Variants in CDH18 observed in about 807,000 individuals in gnomAD.
CDH18 encodes cadherin 18, also known as cadherin-18.
A neutral mutation model predicts 67.9 loss-of-function variants in CDH18; 31 were observed. That is an observed-to-expected ratio of 0.46 (90% CI 0.34 to 0.62). The LOEUF (loss-of-function observed/expected upper bound fraction) is 0.62. Among genes scored for constraint, CDH18 ranks in the 20% least tolerant of loss-of-function variants. The pLI, the probability that CDH18 is intolerant of heterozygous loss-of-function variation, is 0.01. For synonymous variants in CDH18, 362 were observed against 347.2 expected (o/e 1.04, Z -0.48); for missense variants, 890 against 975.5 (o/e 0.91, Z 1.17).
At chr5:19,514,222 C>G (rs1394316617) in intron 10 of CDH18, among the ~76,000 whole-genome samples, 3 of 152,176 alleles carry the variant, frequency 2.0e-5, no homozygotes, top group Admixed American at 6.5e-5. Flanking sequence ...ATATGTGCCA[C>G]ATTTTCTTAA....
intron 2 of CDH18, among the ~76,000 whole-genome samples, chr5:19,888,657 G>A (rs557106957): frequency 6.6e-6 from 1 of 151,978 alleles, no homozygotes; most frequent in African/African-American, 2.4e-5. Context: ...TTGATCTGTA[G>A]AATCTGTGCA....
In CDH18 at chr5:20,131,875, T is replaced by G. The variant is rs530167484; in HGVS notation, c.-518+123569A>C. Among the ~76,000 whole-genome samples the G allele has an allele frequency of 9.7e-4, 146 of 150,578 alleles. 1 individual carries two copies. The highest frequency in any genetic ancestry group is 3.0e-3 in the African/African-American group (122 of 41,006). ...TCACATATAGCTTTACAATAAAGTGTTTTTTTTTGTTGTTGTTGTTGTTGT... is the reference window on the plus strand; with the variant it reads ...TCACATATAGCTTTACAATAAAGTGGTTTTTTTTGTTGTTGTTGTTGTTGT... On this transcript the variant is annotated intron_variant, in intron 2 of 14. Coordinates refer to the CDH18 transcript ENST00000507958.
At chr5:19,523,210 A>G (rs1253766530) in intron 9 of CDH18, among the ~76,000 whole-genome samples, 1 of 152,184 alleles carries the variant, frequency 6.6e-6, no homozygotes, top group Non-Finnish European at 1.5e-5. Context: ...ATTATTAAAG[A>G]CAAGTATATA....
intron 3 of CDH18, among the ~76,000 whole-genome samples, chr5:19,794,307 G>A (rs1331915162): frequency 6.6e-6 from 1 of 152,096 alleles, no homozygotes; most frequent in Non-Finnish European, 1.5e-5. Flanking sequence ...AATTCAACAT[G>A]GGTGGGATCC....
rs774273776 is a variant in CDH18, at chr5:19,483,422, C to A, written c.1761G>T (p.Arg587Ser). The A allele has an allele frequency of 6.2e-7, 1 of 1,614,024 alleles. No homozygotes were observed. Among genetic ancestry groups the A allele is most frequent in the Non-Finnish European group, 8.5e-7 (1 of 1,179,978 alleles). Residue 587 changes from arginine to serine, a missense_variant, in exon 12 of 13, where the codon AGG (arginine) becomes AGT (serine). Arg to Ser is a moderately radical substitution (Grantham distance 110, BLOSUM62 -1). Transcript: ENST00000382275. ...SLSSSSTLTI[R>S]VCACERDGRV... ...GCCCATCTCTCTCGCATGCACAAAC[C>A]CTGATGGTGAGGGTGCTGCTGCTGC... is the stretch of plus-strand genomic sequence containing the variant.
In CDH18 at chr5:19,520,718, T is replaced by C. The variant is rs111945633; in HGVS notation, c.1451A>G (p.Asn484Ser). The change falls in exon 10 of 13, where the codon AAT becomes AGT. Residue 484 changes from asparagine (N) to serine (S), a missense_variant. Coordinates refer to ENST00000382275, the MANE Select transcript of CDH18 (RefSeq NM_004934.5). Reference sequence around the variant, plus strand: ...ATATTCCCTGGCAAGTTCGGGTGGATTGTCATTGACATCCAGAACTCTAAT... The same window carrying C: ...ATATTCCCTGGCAAGTTCGGGTGGACTGTCATTGACATCCAGAACTCTAAT... ...VGIRVLDVND[N>S]PPELAREYDI... The C allele has an allele frequency of 6.2e-7, 1 of 1,613,456 alleles. No individual in the cohort carries two copies. The highest frequency in any genetic ancestry group is 8.5e-7 in the Non-Finnish European group (1 of 1,179,534).
intron 4 of CDH18, among the ~76,000 whole-genome samples, chr5:19,744,509 C>CAT (rs1444655883): frequency 6.7e-6 from 1 of 150,032 alleles, no homozygotes. Flanking sequence ...AGTGTACACA[C>CAT]ACACACACAC....
intron 2 of CDH18, among the ~76,000 whole-genome samples, chr5:19,901,014 A>G (rs1000912658): frequency 6.6e-6 from 1 of 152,148 alleles, no homozygotes; most frequent in Non-Finnish European, 1.5e-5. Flanking sequence ...TGCGAAATCT[A>G]TTTAACTTCT....
At chr5:19,931,060 A>C (rs368356082) in intron 2 of CDH18, among the ~76,000 whole-genome samples, 1 of 152,080 alleles carries the variant, frequency 6.6e-6, no homozygotes, top group Non-Finnish European at 1.5e-5. Flanking sequence ...TAAGTAGACA[A>C]ATAGTATTAG....
At chr5:19,887,983 T>A (rs1169400045) in intron 2 of CDH18, among the ~76,000 whole-genome samples, 1 of 152,026 alleles carries the variant, frequency 6.6e-6, no homozygotes, top group Non-Finnish European at 1.5e-5. Flanking sequence ...CACAATTGCA[T>A]GGTGTGGCCA....
At chr5:19,941,512 T>A (rs543802620) in intron 2 of CDH18, among the ~76,000 whole-genome samples, 2 of 152,042 alleles carry the variant, frequency 1.3e-5, no homozygotes, top group East Asian at 3.9e-4. Context: ...CCAGGTGCCA[T>A]GGCTCATGTC....
At chr5:19,496,276 G>A (rs1473864890) in intron 11 of CDH18, among the ~76,000 whole-genome samples, 1 of 152,176 alleles carries the variant, frequency 6.6e-6, no homozygotes, top group Non-Finnish European at 1.5e-5. Context: ...TTCAGACTCT[G>A]AGTGGATTAA....
At chr5:20,181,488 A>C (rs1470208771) in intron 2 of CDH18, among the ~76,000 whole-genome samples, 1 of 152,122 alleles carries the variant, frequency 6.6e-6, no homozygotes, top group Non-Finnish European at 1.5e-5. Flanking sequence ...AACTGAGGCA[A>C]CCACTCCAGT....
chr5:19,974,271 T>C lies in CDH18; in HGVS notation c.-257+6789A>G, dbSNP rs144382652. ...GTTGTCCCTGGATGTGTTTTAAAGA[T>C]GGAAGTTTCCACCAATTTGGGAGGC... On this transcript the variant is annotated intron_variant, in intron 2 of 12. Transcript: ENST00000382275. 2.6e-5 allele frequency among the ~76,000 whole-genome samples: 4 copies of C among 152,004 alleles called. No homozygotes were observed. In the East Asian group the frequency reaches 7.8e-4, roughly 29 times the overall value.
intron 5 of CDH18, among the ~76,000 whole-genome samples, chr5:19,702,071 A>T (rs990149249): frequency 6.7e-6 from 1 of 149,770 alleles, no homozygotes; most frequent in African/African-American, 2.5e-5. Context: ...GGAAAAATCC[A>T]CCACGGTGCA....
At chr5:20,227,159 A>G (rs1295483073) in intron 2 of CDH18, among the ~76,000 whole-genome samples, 2 of 151,964 alleles carry the variant, frequency 1.3e-5, no homozygotes, top group East Asian at 3.9e-4. Flanking sequence ...TTCTTGCACA[A>G]CCTTTGAGAT....
At chr5:20,084,898 G>A (rs989796423) in intron 2 of CDH18, among the ~76,000 whole-genome samples, 1 of 152,102 alleles carries the variant, frequency 6.6e-6, no homozygotes, top group South Asian at 2.1e-4. Context: ...TTCCTCCTAG[G>A]CCTCCAGGCT....
chr5:19,708,904 G>C (rs1247298365), intron 5 of CDH18, among the ~76,000 whole-genome samples: 1 of 151,964 alleles, frequency 6.6e-6, no homozygotes, highest in Non-Finnish European at 1.5e-5. Context: ...AATTCCTCTA[G>C]CACCACTGGG....
intron 2 of CDH18, among the ~76,000 whole-genome samples, chr5:20,093,772 T>A (rs1745648560): frequency 6.6e-6 from 1 of 152,104 alleles, no homozygotes; most frequent in African/African-American, 2.4e-5. Flanking sequence ...AACTCTTGGT[T>A]TTGATCATAA....
Sources: gnomAD v4.1 joint callset for allele counts (sites outside exome capture counted in the v4.1 genomes callset) on GRCh38, gnomAD v4.1.1 for gene constraint, MANE v1.5 for transcripts, NCBI Gene and HGNC (gene_info 2026-07-23, HGNC 2026-07-21) for gene names.